Variants in MLIP observed in about 807,000 individuals in gnomAD.
MLIP encodes muscular LMNA-interacting protein.
MLIP carries 79 observed loss-of-function variants against 84.8 expected under a neutral mutation model. That is an observed-to-expected ratio of 0.93 (90% CI 0.78 to 1.12). The LOEUF (loss-of-function observed/expected upper bound fraction) is 1.12. Among genes scored for constraint, MLIP ranks in the 50% most tolerant of loss-of-function variants. MLIP has a pLI of 0.00. For missense variants in MLIP, 1,257 were observed against 1,160.6 expected (o/e 1.08, Z -1.21); for synonymous variants, 504 against 463.0 (o/e 1.09, Z -1.14).
At chr6:54,224,123 T>C (rs1780411728) in intron 11 of MLIP, among the ~76,000 whole-genome samples, 1 of 151,868 alleles carries the variant, frequency 6.6e-6, no homozygotes, top group Admixed American at 6.6e-5. Flanking sequence ...TAGAAAACGA[T>C]AAATAGCTAG....
intron 1 of MLIP, among the ~76,000 whole-genome samples, chr6:54,070,219 G>A (rs1335055975): frequency 1.3e-5 from 2 of 152,156 alleles, no homozygotes; most frequent in Non-Finnish European, 2.9e-5. Context: ...AAGCCTGTCT[G>A]CCTCACTCAT....
chr6:54,083,614 T>G, intron 1 of MLIP: 1 of 1,536,062 alleles, frequency 6.5e-7, no homozygotes, highest in Non-Finnish European at 8.7e-7. Flanking sequence ...ATTTGAATGT[T>G]CTGTGAGTTC....
chr6:54,247,226 G>T (rs1782141685), intron 12 of MLIP, among the ~76,000 whole-genome samples: 1 of 152,136 alleles, frequency 6.6e-6, no homozygotes, highest in Admixed American at 6.6e-5. Context: ...ATTCTCAAAA[G>T]ATCTCACTCT....
intron 9 of MLIP, 54 bp downstream of exon 9, chr6:54,169,626 C>T (rs1471823428): frequency 5.8e-6 from 7 of 1,215,956 alleles, no homozygotes; most frequent in African/African-American, 1.6e-5. Flanking sequence ...CCTGTGTATG[C>T]TTTAGAGAGA....
intron 11 of MLIP, among the ~76,000 whole-genome samples, chr6:54,208,167 C>A (rs1002585238): frequency 6.6e-6 from 1 of 152,096 alleles, no homozygotes; most frequent in African/African-American, 2.4e-5. Flanking sequence ...TGTTTTAATT[C>A]TTTATTGGTT....
intron 5 of MLIP, among the ~76,000 whole-genome samples, chr6:54,154,263 A>T (rs1315898246): frequency 6.6e-6 from 1 of 151,948 alleles, no homozygotes; most frequent in East Asian, 1.9e-4. Flanking sequence ...TCATAAGCAT[A>T]AAAAAAATAA....
chr6:54,027,284 G>T (rs887185682), intron 1 of MLIP, among the ~76,000 whole-genome samples: 1 of 151,694 alleles, frequency 6.6e-6, no homozygotes, highest in East Asian at 1.9e-4. Flanking sequence ...CTTAATGTTT[G>T]TATTGAAATG....
In MLIP at chr6:54,096,180, T is replaced by C. The variant is rs148931010; in HGVS notation, c.64-25267T>C. Among the ~76,000 whole-genome samples the C allele has an allele frequency of 2.8e-3, 423 of 152,308 alleles. 4 individuals are homozygous for C. The highest frequency in any genetic ancestry group is 9.5e-3 in the African/African-American group (394 of 41,582). On this transcript the variant is annotated intron_variant, in intron 1 of 12. Transcript: ENST00000274897. ...GCCTGCAGTCCAAGATACTTGGAACTTTTTAAGACCTTTTTTGGGGGCACA... is the reference window on the plus strand; with the variant it reads ...GCCTGCAGTCCAAGATACTTGGAACCTTTTAAGACCTTTTTTGGGGGCACA...
chr6:54,027,849 T>C (rs1763908288), intron 1 of MLIP, among the ~76,000 whole-genome samples: 1 of 152,220 alleles, frequency 6.6e-6, no homozygotes, highest in South Asian at 2.1e-4. Context: ...TCTTTTGATA[T>C]AGCTCTGTGT....
At chr6:54,123,177 C>T (rs887359945) in intron 2 of MLIP, among the ~76,000 whole-genome samples, 20 of 151,490 alleles carry the variant, frequency 1.3e-4, no homozygotes, top group Non-Finnish European at 1.9e-4. Context: ...CCTCGTGATC[C>T]GCCCTCCTCG....
At chr6:54,127,352 C>A (rs946348797) in intron 3 of MLIP, among the ~76,000 whole-genome samples, 19 of 152,190 alleles carry the variant, frequency 1.2e-4, no homozygotes, top group African/African-American at 4.3e-4. Context: ...GTATCCCTAG[C>A]ACTTAATGCA....
intron 1 of MLIP, among the ~76,000 whole-genome samples, chr6:54,070,422 A>T (rs755610038): frequency 6.6e-6 from 1 of 152,176 alleles, no homozygotes; most frequent in Non-Finnish European, 1.5e-5. Flanking sequence ...AGCCACAAAA[A>T]CATGCTAGTA....
chr6:54,096,110 T>C (rs1768193938), intron 1 of MLIP, among the ~76,000 whole-genome samples: 1 of 152,198 alleles, frequency 6.6e-6, no homozygotes, highest in Non-Finnish European at 1.5e-5. Context: ...AGATTTGTTC[T>C]TACAAAGGAA....
intron 1 of MLIP, among the ~76,000 whole-genome samples, chr6:54,062,992 C>T (rs886802177): frequency 3.3e-5 from 5 of 151,778 alleles, no homozygotes; most frequent in African/African-American, 1.2e-4. Flanking sequence ...TACTTGAGGT[C>T]GCAGTTCGAG....
At chr6:54,126,672 A>T (rs1770944199) in intron 3 of MLIP, among the ~76,000 whole-genome samples, 1 of 152,180 alleles carries the variant, frequency 6.6e-6, no homozygotes, top group Admixed American at 6.5e-5. Flanking sequence ...AGGAGAAATG[A>T]CCAGAGCACC....
intron 3 of MLIP, among the ~76,000 whole-genome samples, chr6:54,128,553 C>T (rs1295183056): frequency 6.6e-6 from 1 of 151,972 alleles, no homozygotes; most frequent in Non-Finnish European, 1.5e-5. Flanking sequence ...TAAAGTAGGA[C>T]CCCTGAGTCC....
chr6:54,208,459 AT>A (rs1013673296), intron 11 of MLIP, among the ~76,000 whole-genome samples: 5 of 150,784 alleles, frequency 3.3e-5, no homozygotes, highest in Non-Finnish European at 5.9e-5. Flanking sequence ...GGTGGCATGC[AT>A]TTGTAGTCTC....
intron 1 of MLIP, among the ~76,000 whole-genome samples, chr6:54,102,013 C>T (rs1317819542): frequency 1.3e-5 from 2 of 152,054 alleles, no homozygotes; most frequent in Non-Finnish European, 2.9e-5. Context: ...TGGCTGGCTA[C>T]TGCGTTGTTA....
chr6:54,024,613 C>G (rs1392324072), intron 1 of MLIP, among the ~76,000 whole-genome samples: 1 of 152,128 alleles, frequency 6.6e-6, no homozygotes, highest in Non-Finnish European at 1.5e-5. Flanking sequence ...ATAATAAAGT[C>G]CTAGCCCTCA....
Sources: allele counts gnomAD v4.1 joint callset (sites outside exome capture counted in the v4.1 genomes callset), GRCh38; gene constraint gnomAD v4.1.1; transcripts MANE v1.5; gene names NCBI Gene and HGNC (gene_info 2026-07-23, HGNC 2026-07-21).